Variants in SLC6A11 observed in about 807,000 individuals in gnomAD.
SLC6A11 encodes the protein solute carrier family 6 member 11.
In SLC6A11, 25 loss-of-function variants were observed where a neutral mutation model predicts 74.8. The ratio of observed to expected loss-of-function variants is 0.33; its 90% CI spans 0.24 to 0.47. SLC6A11 has a LOEUF of 0.47. Among genes scored for constraint, SLC6A11 ranks in the 20% least tolerant of loss-of-function variants. The pLI is 1.00. For missense variants in SLC6A11, 574 were observed against 837.0 expected, an observed-to-expected ratio of 0.69 and a Z score of 3.88; for synonymous variants, 330 against 330.2, an observed-to-expected ratio of 1.00 and a Z score of 0.01.
intron 3 of SLC6A11, among the ~76,000 whole-genome samples, chr3:10,821,718 A>C (rs1225036671): frequency 6.6e-6 from 1 of 152,238 alleles, no homozygotes; most frequent in Non-Finnish European, 1.5e-5. Context: ...TGAATACTGT[A>C]ATCACAAAGA....
At chr3:10,882,403 G>C (rs1444840233) in intron 6 of SLC6A11, among the ~76,000 whole-genome samples, 13 of 152,260 alleles carry the variant, frequency 8.5e-5, no homozygotes, top group African/African-American at 3.1e-4. Flanking sequence ...TGCTCCTGGT[G>C]CATCTCATCT....
intron 5 of SLC6A11, among the ~76,000 whole-genome samples, chr3:10,870,417 G>C (rs1236928300): frequency 6.6e-6 from 1 of 152,208 alleles, no homozygotes; most frequent in Non-Finnish European, 1.5e-5. Context: ...TGGCTGCCTG[G>C]AGTGCTGTGC....
chr3:10,873,504 C>A (rs1246616382), intron 5 of SLC6A11, among the ~76,000 whole-genome samples: 1 of 150,374 alleles, frequency 6.7e-6, no homozygotes, highest in African/African-American at 2.4e-5. Context: ...GCTATCCTAT[C>A]CTATCCTATG....
rs1695793644 is a variant in SLC6A11 at position 10,939,083 on chromosome 3, C to T, written c.*681C>T. On this transcript the variant is annotated 3_prime_UTR_variant, in exon 14 of 14. Coordinates refer to ENST00000254488, the MANE Select transcript of SLC6A11 (RefSeq NM_014229.3). ...ATTTCTTAGGGATTCTCTTTGTGTG[C>T]CTTGCTGGCTTCCAGACCTGCCGTG... The T allele has an allele frequency of 6.6e-6, 1 of 152,204 alleles. No individual in the cohort carries two copies. Among genetic ancestry groups the T allele is most frequent in the Admixed American group, 6.5e-5 (1 of 15,278 alleles). The allele number at this position is 152,204 out of a possible 1,614,324, so 9.4% of individuals were successfully genotyped here.
chr3:10,933,098 T>G, intron 10 of SLC6A11, 53 bp from the exon 11 acceptor site: 1 of 1,294,184 alleles, frequency 7.7e-7, no homozygotes, highest in Non-Finnish European at 1.1e-6. Flanking sequence ...CTGACCCTGC[T>G]CTCCCGTGTG....
At chr3:10,873,547 ATC>A (rs1694861592) in intron 5 of SLC6A11, among the ~76,000 whole-genome samples, 1 of 148,872 alleles carries the variant, frequency 6.7e-6, no homozygotes, top group Non-Finnish European at 1.5e-5. Context: ...ATCCTATCCT[ATC>A]CTACCCTACC....
chr3:10,835,767 C>T (rs1050696258), intron 4 of SLC6A11, among the ~76,000 whole-genome samples: 2 of 152,316 alleles, frequency 1.3e-5, no homozygotes, highest in East Asian at 1.9e-4. Context: ...ACAAAAGCGC[C>T]TGACACGTCT....
At chr3:10,839,761 A>G (rs1051327498) in intron 4 of SLC6A11, among the ~76,000 whole-genome samples, 1 of 152,196 alleles carries the variant, frequency 6.6e-6, no homozygotes, top group African/African-American at 2.4e-5. Flanking sequence ...CAACACCTCC[A>G]AATCATCTTA....
chr3:10,888,196 C>T (rs1334431385), intron 6 of SLC6A11, among the ~76,000 whole-genome samples: 6 of 152,286 alleles, frequency 3.9e-5, no homozygotes, highest in South Asian at 2.1e-4. Flanking sequence ...TTTCATCTCT[C>T]GTAAGCTTCT....
rs114220094 is a variant in SLC6A11, at chr3:10,911,590, T to A, written c.892-500T>A. Among the ~76,000 whole-genome samples, 1,004 of 152,310 alleles carry A rather than the reference T, an allele frequency of 6.6e-3. 8 individuals are homozygous for A. The highest frequency in any genetic ancestry group is 0.017 in the South Asian group (83 of 4,816). On this transcript the variant is annotated intron_variant, in intron 6 of 13. Coordinates refer to ENST00000254488, the MANE Select transcript of SLC6A11 (RefSeq NM_014229.3). ...ATGTATCACCCTGGACAGAATCTTA[T>A]GACACTTTTCTCATGGTGGCCTTAA...
chr3:10,844,996 AG>A (rs1185821243), intron 5 of SLC6A11, among the ~76,000 whole-genome samples: 1 of 152,206 alleles, frequency 6.6e-6, no homozygotes, highest in African/African-American at 2.4e-5. Flanking sequence ...GCTGGGAAGT[AG>A]AGGGGACCAT....
chr3:10,817,846 C>G (rs1484694132), intron 1 of SLC6A11, among the ~76,000 whole-genome samples: 1 of 152,146 alleles, frequency 6.6e-6, no homozygotes, highest in South Asian at 2.1e-4. Flanking sequence ...CTTGGAGACC[C>G]CCAACGTGCC....
intron 6 of SLC6A11, among the ~76,000 whole-genome samples, chr3:10,906,762 G>A (rs1695307697): frequency 6.6e-6 from 1 of 152,160 alleles, no homozygotes; most frequent in African/African-American, 2.4e-5. Context: ...GGAAATGAAA[G>A]GAGAAATTTT....
At position 10,937,235 on chromosome 3, in the gene SLC6A11, G is replaced by A. The variant is rs1010804852; in HGVS notation, c.1747-1015G>A. On this transcript the variant is annotated intron_variant, in intron 13 of 13. Coordinates refer to ENST00000254488, the MANE Select transcript of SLC6A11 (RefSeq NM_014229.3). The stretch of plus-strand genomic sequence containing the variant: ...TTTACAGATGAGGAAACTGAGGCAC[G>A]GGGGGTTAAGCTTCTTGCCCTTGTT... Among the ~76,000 whole-genome samples, 6 of 152,134 alleles carry A rather than the reference G, an allele frequency of 3.9e-5. No individual in the cohort carries two copies. The East Asian group carries it at 9.6e-4, about 24-fold the overall frequency.
intron 6 of SLC6A11, among the ~76,000 whole-genome samples, chr3:10,884,152 G>A (rs73812310): frequency 0.011 from 1,713 of 152,222 alleles, 31 homozygotes; most frequent in African/African-American, 0.039. Context: ...CATCATGCAC[G>A]CTTAAAGGTA....
Position 10,918,200 on chromosome 3 carries a change from C to A in SLC6A11, c.996-129C>A. ...AACCATGAGTGCTCCATCAGAAAAA[C>A]AGAGCTCCCTGTGCCTGCACTTCCC... On this transcript the variant is annotated intron_variant, in intron 7 of 13. Transcript: ENST00000254488. The surrounding 1 kb of genome is among the most constrained non-coding windows in gnomAD (Gnocchi z 4.5). The A allele has an allele frequency of 9.6e-7, 1 of 1,044,246 alleles. No homozygotes were observed. The highest frequency in any genetic ancestry group is 1.3e-6 in the Non-Finnish European group (1 of 761,754). 64.7% of individuals were successfully genotyped at this position (1,044,246 alleles called of 1,614,324 possible).
intron 6 of SLC6A11, among the ~76,000 whole-genome samples, chr3:10,898,398 TACAAA>T (rs1282048053): frequency 6.6e-6 from 1 of 152,232 alleles, no homozygotes; most frequent in Non-Finnish European, 1.5e-5. Flanking sequence ...CTGCTTCCCT[TACAAA>T]ACTGAATGCC....
intron 6 of SLC6A11, among the ~76,000 whole-genome samples, chr3:10,877,350 T>C (rs1337179955): frequency 6.6e-6 from 1 of 152,114 alleles, no homozygotes; most frequent in African/African-American, 2.4e-5. Context: ...ACAAAGACAC[T>C]CACCAGGCAG....
intron 1 of SLC6A11, among the ~76,000 whole-genome samples, chr3:10,819,247 A>G (rs1165372556): frequency 6.6e-6 from 1 of 152,212 alleles, no homozygotes; most frequent in African/African-American, 2.4e-5. Flanking sequence ...TAAAAACTAA[A>G]GCTCCATTTT....
Sources: gnomAD v4.1 joint callset for allele counts (sites outside exome capture counted in the v4.1 genomes callset) on GRCh38, gnomAD v4.1.1 for gene constraint, Gnocchi (gnomAD v3.1) non-coding constraint, MANE v1.5 for transcripts, NCBI Gene and HGNC (gene_info 2026-07-23, HGNC 2026-07-21) for gene names.